RPS27A: variants seen among roughly 807,000 people sequenced by gnomAD.
RPS27A encodes the protein ribosomal protein S27a.
In RPS27A, 1 loss-of-function variant was observed where a neutral mutation model predicts 18.9. That is an observed-to-expected ratio of 0.05 (90% CI 0.02 to 0.25). RPS27A has a LOEUF of 0.25. Among genes scored for constraint, RPS27A ranks in the 10% least tolerant of loss-of-function variants. The pLI is 1.00. For synonymous variants in RPS27A, 77 were observed against 63.7 expected (o/e 1.21, Z -0.99); for missense variants, 123 against 187.4 (o/e 0.66, Z 2.01).
In RPS27A at chr2:55,234,128, C is replaced by G. The variant is rs749232324; in HGVS notation, c.113C>G (p.Pro38Arg). The G allele has an allele frequency of 5.6e-6, 9 of 1,612,456 alleles. No homozygotes were observed. Among genetic ancestry groups the G allele is most frequent in the Non-Finnish European group, 7.6e-6 (9 of 1,178,550 alleles). The change falls in exon 4 of 6, where the codon CCT (proline) becomes CGT (arginine). Residue 38 changes from proline (P) to arginine (R), a missense_variant. By Grantham distance (103) the Pro-to-Arg change is moderately radical (BLOSUM62 -2). This residue lies in a region of RPS27A where 66 missense variants were observed against 72.6 expected (regional missense o/e 0.91). Coordinates refer to ENST00000272317, the MANE Select transcript of RPS27A (RefSeq NM_002954.6). ...TGTTTTTTGTCATTAGGAATTCCTC[C>G]TGATCAGCAGAGACTGATCTTTGCT... is the stretch of plus-strand genomic sequence containing the variant. ...AKIQDKEGIPPDQQRLIFAGK... is the reference protein window; with the variant it reads ...AKIQDKEGIPRDQQRLIFAGK...
intron 2 of RPS27A, 51 bp from the exon 3 acceptor site, chr2:55,233,312 G>T (rs1426061655): frequency 1.4e-6 from 2 of 1,425,718 alleles, no homozygotes; most frequent in East Asian, 2.3e-5. Context: ...AATGAGTTCT[G>T]CTGTAGTTCC....
At chr2:55,233,567 C>A (rs1675614746) in intron 3 of RPS27A, 150 bp downstream of exon 3, 1 of 688,576 alleles carries the variant, frequency 1.5e-6, no homozygotes, top group Admixed American at 2.1e-5. Flanking sequence ...CATTGGTGAT[C>A]GGGGAGCACA....
upstream of RPS27A, chr2:55,232,533 C>A: frequency 1.9e-6 from 1 of 520,306 alleles, no homozygotes. Flanking sequence ...GAAATAAGCC[C>A]AGGCTAGGGA....
chr2:55,235,389 G>A (rs746082172), intron 5 of RPS27A, 39 bp from the exon 6 acceptor site: 18 of 1,608,706 alleles, frequency 1.1e-5, no homozygotes, highest in Middle Eastern at 2.2e-4. Context: ...TTCAGAATGT[G>A]TTGTAAAATT....
chr2:55,235,148 T>A, intron 5 of RPS27A, 186 bp downstream of exon 5: 1 of 761,320 alleles, frequency 1.3e-6, no homozygotes, highest in East Asian at 2.7e-5. Flanking sequence ...GTATTTGAAA[T>A]CAGTTATGTA....
rs370726929 is a variant in RPS27A, at chr2:55,234,469, G to T, written c.189+265G>T. ...TTCCCACCGTGGCCTCCCAGCGCTGGGATTACAGACGTGAGCCACTCCATG... is the reference window on the plus strand; with the variant it reads ...TTCCCACCGTGGCCTCCCAGCGCTGTGATTACAGACGTGAGCCACTCCATG... On this transcript the variant is annotated intron_variant, in intron 4 of 5. Coordinates refer to ENST00000272317, the MANE Select transcript of RPS27A (RefSeq NM_002954.6). The T allele has an allele frequency of 1.2e-3, 653 of 562,074 alleles. 4 individuals carry two copies. The highest frequency in any genetic ancestry group is 5.8e-3 in the Middle Eastern group (12 of 2,062). 34.8% of individuals were successfully genotyped at this position (562,074 alleles called of 1,614,324 possible). A position where few individuals can be genotyped will look rare whatever the true frequency, so the allele number is the denominator to read the frequency against.
chr2:55,232,301 G>T, upstream of RPS27A: 1 of 205,288 alleles, frequency 4.9e-6, no homozygotes, highest in Non-Finnish European at 1.0e-5. Context: ...TCTGGGAGGT[G>T]GAACTGCATC....
chr2:55,235,679 CT>C lies in RPS27A; in HGVS notation c.*106del. On this transcript the variant is annotated 3_prime_UTR_variant, in exon 6 of 6. Coordinates refer to ENST00000272317, the MANE Select transcript of RPS27A (RefSeq NM_002954.6). ...ACCAAATTGATGGTCACACCATTTC[CT>C]TTTAGTAGTGCTACTGCTATCGCTG... 7.6e-7 allele frequency: 1 copy of C among 1,308,790 alleles called. No homozygotes were observed. Among genetic ancestry groups the C allele is most frequent in the Non-Finnish European group, 1.1e-6 (1 of 919,070 alleles). 81.1% of individuals were successfully genotyped at this position (1,308,790 alleles called of 1,614,324 possible). A position where few individuals can be genotyped will look rare whatever the true frequency, so the allele number is the denominator to read the frequency against.
intron 3 of RPS27A, chr2:55,233,721 C>T (rs780910141): frequency 6.3e-6 from 3 of 477,106 alleles, no homozygotes; most frequent in Admixed American, 3.4e-5. Flanking sequence ...CTCCGCCTCC[C>T]GGGTTCAAGT....
chr2:55,234,688 G>T (rs1675703359), intron 4 of RPS27A, 143 bp from the exon 5 acceptor site: 8 of 900,288 alleles, frequency 8.9e-6, no homozygotes, highest in Non-Finnish European at 1.4e-5. Flanking sequence ...TTAAGAATCT[G>T]ATACTTTATT....
intron 2 of RPS27A, 22 bp downstream of exon 2, chr2:55,232,894 G>T (rs1372317435): frequency 6.2e-7 from 1 of 1,603,454 alleles, no homozygotes; most frequent in East Asian, 2.2e-5. Flanking sequence ...GTGGTCATGA[G>T]GAAGCCAAGG....
At chr2:55,235,273 A>C in intron 5 of RPS27A, 155 bp from the exon 6 acceptor site, 1 of 854,416 alleles carries the variant, frequency 1.2e-6, no homozygotes, top group East Asian at 2.5e-5. Context: ...TTTTCATTGT[A>C]GCAATGATAA....
chr2:55,234,419 C>A, intron 4 of RPS27A: 1 of 597,386 alleles, frequency 1.7e-6, no homozygotes, highest in Non-Finnish European at 3.0e-6. Flanking sequence ...CCAGGCTGGT[C>A]TCAAACTCCT....
Position 55,235,616 on chromosome 2 carries a change from G to T in RPS27A, c.*39G>T, listed in dbSNP as rs774072074. 1.3e-6 allele frequency: 2 copies of T among 1,596,184 alleles called. No individual in the cohort carries two copies. The highest frequency in any genetic ancestry group is 8.5e-7 in the Non-Finnish European group (1 of 1,178,126). ...TAAAAGACATGAACTAACATTTATT[G>T]TTGGGTTTTATTGCAGTAAAAAGAA... On this transcript the variant is annotated 3_prime_UTR_variant, in exon 6 of 6. Coordinates refer to ENST00000272317, the MANE Select transcript of RPS27A (RefSeq NM_002954.6).
At chr2:55,232,106 GA>G (rs1339605984), upstream of RPS27A, 1 of 153,428 alleles carries the variant, frequency 6.5e-6, no homozygotes, top group Non-Finnish European at 1.5e-5. Flanking sequence ...ACCGCTTCTG[GA>G]AGTGAGTGAA....
intron 5 of RPS27A, 195 bp downstream of exon 5, chr2:55,235,157 T>A: frequency 1.4e-6 from 1 of 731,762 alleles, no homozygotes; most frequent in Non-Finnish European, 2.2e-6. Flanking sequence ...ATCAGTTATG[T>A]AATAGGGTTC....
rs1259170373 is a variant in RPS27A at position 55,235,317 on chromosome 2, C to T, written c.322-111C>T. 5 of 1,206,734 alleles carry T rather than the reference C, an allele frequency of 4.1e-6. No individual in the cohort carries two copies. The African/African-American group carries it at 6.0e-5, about 14-fold the overall frequency. 74.8% of individuals were successfully genotyped at this position (1,206,734 alleles called of 1,614,324 possible). On this transcript the variant is annotated intron_variant, in intron 5 of 5. Coordinates refer to ENST00000272317, the MANE Select transcript of RPS27A (RefSeq NM_002954.6). ...AATTTAGGGTGCTTTGGTTTGTAAG[C>T]ACCAAAACCACCAGTATTACACAGT...
Position 55,234,848 on chromosome 2 carries a change from T to A in RPS27A, c.207T>A (p.Leu69=). Residue 69 remains leucine (L), a synonymous_variant, in exon 5 of 6, where the codon CTT becomes CTA. Transcript: ENST00000272317. ...ATTAACAGGAGTCTACTCTTCATCT[T>A]GTGTTGAGACTTCGTGGTGGTGCTA... The part of the protein sequence containing the change: ...YNIQKESTLH[L]VLRLRGGAKK... 6.2e-7 allele frequency: 1 copy of A among 1,612,494 alleles called. No individual in the cohort carries two copies.
upstream of RPS27A, chr2:55,232,682 T>G: frequency 3.8e-6 from 3 of 785,514 alleles, no homozygotes; most frequent in Non-Finnish European, 6.6e-6. Context: ...CTGCGCGGCG[T>G]TCTTCCTTTT....
Sources: allele counts gnomAD v4.1 joint callset, GRCh38; gene constraint gnomAD v4.1.1; regional missense constraint gnomAD v4.1.1; transcripts MANE v1.5; gene names NCBI Gene and HGNC (gene_info 2026-07-23, HGNC 2026-07-21).